LAMA2: variants seen among roughly 807,000 people sequenced by gnomAD.
LAMA2 encodes laminin subunit alpha 2.
In LAMA2, 269 loss-of-function variants were observed where a neutral mutation model predicts 364.8. The observed-to-expected ratio is 0.74, with a 90% CI of 0.67 to 0.82. The LOEUF (loss-of-function observed/expected upper bound fraction) is 0.82. LAMA2 is among the 40% of genes least tolerant of loss of function. The probability of loss-of-function intolerance (pLI) is 0.00; values close to 1 mark genes in which losing one functional copy is unlikely to be tolerated. For synonymous variants in LAMA2, 1,379 were observed against 1,370.6 expected, an observed-to-expected ratio of 1.01 and a Z score of -0.14; for missense variants, 3,807 against 3,873.2, an observed-to-expected ratio of 0.98 and a Z score of 0.45.
At chr6:129,301,337 G>A (rs1324900952) in intron 22 of LAMA2, among the ~76,000 whole-genome samples, 2 of 152,096 alleles carry the variant, frequency 1.3e-5, no homozygotes, top group Non-Finnish European at 2.9e-5. Flanking sequence ...CCCATTGGTA[G>A]ACCATAGAAA....
chr6:129,228,207 G>C (rs902013759), intron 12 of LAMA2, among the ~76,000 whole-genome samples: 1 of 152,168 alleles, frequency 6.6e-6, no homozygotes, highest in Non-Finnish European at 1.5e-5. Context: ...GGAGTGACCC[G>C]ATTTTCCAGG....
intron 1 of LAMA2, among the ~76,000 whole-genome samples, chr6:129,036,415 A>G (rs1351528079): frequency 5.9e-5 from 9 of 152,176 alleles, no homozygotes; most frequent in Non-Finnish European, 1.2e-4. Flanking sequence ...TGGACCTTGT[A>G]GCCCTTCTTT....
intron 12 of LAMA2, among the ~76,000 whole-genome samples, chr6:129,249,230 A>C (rs567927506): frequency 6.6e-6 from 1 of 152,314 alleles, no homozygotes; most frequent in Admixed American, 6.5e-5. Flanking sequence ...AGCACAGAGC[A>C]AGCAGCAGAA....
intron 53 of LAMA2, among the ~76,000 whole-genome samples, chr6:129,478,139 A>G (rs1784168323): frequency 1.3e-5 from 2 of 152,318 alleles, no homozygotes; most frequent in South Asian, 4.1e-4. Flanking sequence ...TATATAATCC[A>G]AAAGAATGTT....
intron 4 of LAMA2, among the ~76,000 whole-genome samples, chr6:129,128,877 A>G (rs548273628): frequency 9.8e-5 from 15 of 152,364 alleles, no homozygotes; most frequent in African/African-American, 3.1e-4. Context: ...GTGAATGATT[A>G]TTAGTCTTAA....
At chr6:128,897,650 C>G (rs2114404331) in intron 1 of LAMA2, among the ~76,000 whole-genome samples, 1 of 152,258 alleles carries the variant, frequency 6.6e-6, no homozygotes, top group Non-Finnish European at 1.5e-5. Context: ...CAAAAATGAC[C>G]ATTTTGTTGT....
intron 4 of LAMA2, among the ~76,000 whole-genome samples, chr6:129,103,318 G>C (rs1414639938): frequency 2.0e-5 from 3 of 152,138 alleles, no homozygotes; most frequent in African/African-American, 7.2e-5. Flanking sequence ...ATTATGTTAA[G>C]TTTACACACA....
chr6:129,310,247 T>G (rs1774135633), intron 22 of LAMA2, among the ~76,000 whole-genome samples: 1 of 152,186 alleles, frequency 6.6e-6, no homozygotes, highest in Non-Finnish European at 1.5e-5. Context: ...ACCAAATATT[T>G]GGGCATGAAA....
intron 34 of LAMA2, among the ~76,000 whole-genome samples, chr6:129,371,956 A>G (rs1445128937): frequency 1.3e-5 from 2 of 152,098 alleles, no homozygotes; most frequent in East Asian, 1.9e-4. Context: ...GTCTCAACCT[A>G]TACTCTTTAC....
rs747795505 is a variant in LAMA2, at chr6:129,393,096, G to A, written c.5286G>A (p.Arg1762=). Residue 1762 remains arginine (R), a synonymous_variant, in exon 37 of 65, where the codon CGG becomes CGA. Transcript: ENST00000421865. ...TGAAGAAGCTGTTTGGAGAGTCCCG[G>A]GGGGAAAATGAAGAAATGGAGAAGG... The part of the protein sequence containing the change: ...KKVKKLFGES[R]GENEEMEKDL... 1.9e-6 allele frequency: 3 copies of A among 1,613,998 alleles called. No homozygotes were observed. In the South Asian group the frequency reaches 3.3e-5, roughly 18 times the overall value.
In LAMA2 at chr6:129,207,845, C is replaced by G. The variant is rs561529393; in HGVS notation, c.1782+14992C>G. 1.6e-3 allele frequency among the ~76,000 whole-genome samples: 236 copies of G among 151,576 alleles called. 1 individual carries two copies. Among genetic ancestry groups the G allele is most frequent in the African/African-American group, 5.5e-3 (228 of 41,312 alleles). ...ACGAAGTTATTACAGTAAACAAGAACATCACCTTGATATTCTTAGTAATGT... is the reference window on the plus strand; with the variant it reads ...ACGAAGTTATTACAGTAAACAAGAAGATCACCTTGATATTCTTAGTAATGT... On this transcript the variant is annotated intron_variant, in intron 12 of 64. Coordinates refer to ENST00000421865, the MANE Select transcript of LAMA2 (RefSeq NM_000426.4).
intron 40 of LAMA2, among the ~76,000 whole-genome samples, chr6:129,413,051 T>G (rs7764300): frequency 0.5 from 76,245 of 152,072 alleles, 19,612 homozygotes; most frequent in African/African-American, 0.62. Context: ...GATTCGTCTA[T>G]GTATGACTTA....
intron 12 of LAMA2, among the ~76,000 whole-genome samples, chr6:129,211,529 T>C (rs1645980601): frequency 1.3e-5 from 2 of 152,206 alleles, no homozygotes; most frequent in African/African-American, 4.8e-5. Context: ...TCTGGACTTA[T>C]AACTCCCTTG....
intron 1 of LAMA2, among the ~76,000 whole-genome samples, chr6:129,008,633 C>T (rs1244589706): frequency 1.3e-5 from 2 of 152,110 alleles, no homozygotes; most frequent in African/African-American, 4.8e-5. Context: ...CTTTATTAAA[C>T]ATAGATGCAA....
At chr6:129,143,788 C>T (rs536400724) in intron 4 of LAMA2, 113 bp from the exon 5 acceptor site, 100 of 759,564 alleles carry the variant, frequency 1.3e-4, no homozygotes, top group East Asian at 4.0e-4. Context: ...CCTGAATCTG[C>T]GTAACTAATT....
chr6:128,883,149 C>A lies in LAMA2; in HGVS notation c.-97C>A. Reference sequence around the variant, plus strand: ...GGGGCTGTCTCCTCCTCTTCCCCAGCAGCTGCTGCTCGCTCAGCTCACAAG... The same window carrying A: ...GGGGCTGTCTCCTCCTCTTCCCCAGAAGCTGCTGCTCGCTCAGCTCACAAG... On this transcript the variant is annotated 5_prime_UTR_variant, in exon 1 of 65. Transcript: ENST00000421865. The A allele has an allele frequency of 1.6e-6, 2 of 1,219,664 alleles. No homozygotes were observed. Among genetic ancestry groups the A allele is most frequent in the Non-Finnish European group, 2.3e-6 (2 of 860,894 alleles). The allele number at this position is 1,219,664 out of a possible 1,614,324, so 75.6% of individuals were successfully genotyped here.
At chr6:128,938,071 T>C (rs1422998185) in intron 1 of LAMA2, among the ~76,000 whole-genome samples, 3 of 152,112 alleles carry the variant, frequency 2.0e-5, no homozygotes. Context: ...TTACTTTCCA[T>C]ATATCTGTGC....
chr6:129,469,475 T>G (rs573915020), intron 51 of LAMA2, among the ~76,000 whole-genome samples: 1 of 151,964 alleles, frequency 6.6e-6, no homozygotes, highest in East Asian at 1.9e-4. Flanking sequence ...GTGGAGACAC[T>G]GGAACTCATA....
chr6:129,253,149 CT>C (rs1279541576), intron 14 of LAMA2, among the ~76,000 whole-genome samples: 5 of 152,028 alleles, frequency 3.3e-5, no homozygotes, highest in Non-Finnish European at 7.4e-5. Flanking sequence ...ACATTTTTAT[CT>C]GACAGAATTT....
Sources: allele counts gnomAD v4.1 joint callset (sites outside exome capture counted in the v4.1 genomes callset), GRCh38; gene constraint gnomAD v4.1.1; transcripts MANE v1.5; gene names NCBI Gene and HGNC (gene_info 2026-07-23, HGNC 2026-07-21).